Variants in PCDHA4 observed in about 807,000 individuals in gnomAD.
PCDHA4 encodes the protein protocadherin alpha-4.
In PCDHA4, 49 loss-of-function variants were observed where a neutral mutation model predicts 61.4. The ratio of observed to expected loss-of-function variants is 0.80; its 90% CI spans 0.63 to 1.01. The LOEUF is 1.01. Among genes scored for constraint, PCDHA4 ranks in the 50% least tolerant of loss-of-function variants. The probability of loss-of-function intolerance (pLI) is 0.00; values close to 1 mark genes in which losing one functional copy is unlikely to be tolerated. For synonymous variants in PCDHA4, 590 were observed against 550.3 expected (o/e 1.07, Z -1.01); for missense variants, 1,254 against 1,235.8 (o/e 1.01, Z -0.22).
intron 1 of PCDHA4, chr5:140,864,163 C>T (rs2048345363): frequency 6.6e-6 from 1 of 152,054 alleles, no homozygotes; most frequent in South Asian, 2.1e-4. Context: ...TTAAATCTTA[C>T]CGGAAGGATC....
intron 1 of PCDHA4, among the ~76,000 whole-genome samples, chr5:140,892,256 A>AT (rs1283359328): frequency 6.6e-6 from 1 of 151,996 alleles, no homozygotes; most frequent in Non-Finnish European, 1.5e-5. Context: ...GTTATCTTTG[A>AT]TTTTGTGCTG....
intron 1 of PCDHA4, chr5:140,869,751 C>T (rs1562632987): frequency 1.2e-6 from 2 of 1,613,134 alleles, no homozygotes; most frequent in Non-Finnish European, 1.7e-6. Context: ...CAGCTACAGA[C>T]GGGGGAAAAC....
At chr5:140,909,065 A>G (rs1402526950) in intron 1 of PCDHA4, among the ~76,000 whole-genome samples, 3 of 152,218 alleles carry the variant, frequency 2.0e-5, no homozygotes, top group Admixed American at 6.5e-5. Flanking sequence ...TGTCTCACCA[A>G]TAAGCCCAGT....
chr5:140,884,518 C>G, intron 1 of PCDHA4: 2 of 1,614,054 alleles, frequency 1.2e-6, no homozygotes, highest in Non-Finnish European at 1.7e-6. Context: ...GTTGGTCGTA[C>G]TCGCAGCAGA....
At chr5:140,815,479 C>G (rs1197812042) in intron 1 of PCDHA4, 1 of 152,058 alleles carries the variant, frequency 6.6e-6, no homozygotes, top group Non-Finnish European at 1.5e-5. Context: ...TACTTCTCCC[C>G]TACCCAAATT....
At chr5:140,836,530 T>A (rs2150263016) in intron 1 of PCDHA4, 18 of 1,613,716 alleles carry the variant, frequency 1.1e-5, no homozygotes, top group African/African-American at 4.0e-5. Flanking sequence ...CTTACCCTGC[T>A]GCTGTACACG....
intron 1 of PCDHA4, chr5:140,875,158 AC>A: frequency 3.0e-6 from 1 of 338,826 alleles, no homozygotes; most frequent in East Asian, 5.5e-5. Flanking sequence ...GTGAAAAATA[AC>A]CCAAAGTCGA....
intron 1 of PCDHA4, chr5:140,867,745 A>G (rs1342140044): frequency 6.6e-6 from 1 of 152,108 alleles, no homozygotes. Flanking sequence ...CAAGCAAGTT[A>G]CAACTTCAGG....
intron 1 of PCDHA4, among the ~76,000 whole-genome samples, chr5:140,838,864 G>T (rs1775916115): frequency 6.6e-6 from 1 of 151,900 alleles, no homozygotes; most frequent in African/African-American, 2.4e-5. Flanking sequence ...CCAAGCTGCA[G>T]TTATCATGCC....
Position 140,858,578 on chromosome 5 carries a change from A to T in PCDHA4, c.2385+49006A>T. On this transcript the variant is annotated intron_variant, in intron 1 of 3. Coordinates refer to ENST00000530339, the MANE Select transcript of PCDHA4 (RefSeq NM_018907.4). ...GAATATTTCTAGTGATACCTTTGTA[A>T]TATAATTTATTCCAGGAGTTTTAAA... 3 of 1,350,438 alleles carry T rather than the reference A, an allele frequency of 2.2e-6. No homozygotes were observed. The South Asian group carries it at 4.1e-5, about 18-fold the overall frequency. 83.7% of individuals were successfully genotyped at this position (1,350,438 alleles called of 1,614,324 possible). A position where few individuals can be genotyped will look rare whatever the true frequency, so the allele number is the denominator to read the frequency against.
chr5:140,899,544 T>A (rs925092249), intron 1 of PCDHA4, among the ~76,000 whole-genome samples: 11 of 152,202 alleles, frequency 7.2e-5, no homozygotes, highest in Non-Finnish European at 1.5e-5. Context: ...TTGATCATGG[T>A]GGATAAGCTT....
chr5:140,961,438 A>G (rs888082906), intron 1 of PCDHA4, among the ~76,000 whole-genome samples: 2 of 152,194 alleles, frequency 1.3e-5, no homozygotes, highest in South Asian at 4.1e-4. Context: ...AAAATCACCT[A>G]ACTACACTGT....
intron 3 of PCDHA4, among the ~76,000 whole-genome samples, chr5:141,004,659 G>C (rs1012907350): frequency 1.3e-5 from 2 of 152,182 alleles, no homozygotes; most frequent in Admixed American, 1.3e-4. Context: ...GGCTCTGAGG[G>C]CAACTAAAGG....
At chr5:140,836,159 GA>G in intron 1 of PCDHA4, 1 of 1,613,838 alleles carries the variant, frequency 6.2e-7, no homozygotes, top group Non-Finnish European at 8.5e-7. Context: ...ATGTGGTGGC[GA>G]AGGTACGTGC....
intron 1 of PCDHA4, chr5:140,875,499 G>A (rs782342111): frequency 1.9e-6 from 3 of 1,613,354 alleles, no homozygotes; most frequent in Non-Finnish European, 2.5e-6. Context: ...CAAGAGGCCC[G>A]GGATCCCAGC....
chr5:140,812,171 T>A (rs1765054824), intron 1 of PCDHA4: 1 of 76,674 alleles, frequency 1.3e-5, no homozygotes, highest in South Asian at 3.8e-4. Context: ...TGTTAGGAGG[T>A]TTGGATTACT....
intron 1 of PCDHA4, among the ~76,000 whole-genome samples, chr5:140,952,560 C>T (rs536018099): frequency 5.2e-4 from 79 of 152,304 alleles, no homozygotes; most frequent in Non-Finnish European, 1.0e-3. Context: ...TCACTATCAG[C>T]ACTTCGGTCC....
intron 1 of PCDHA4, chr5:140,928,032 T>C (rs369075554): frequency 6.2e-7 from 1 of 1,614,216 alleles, no homozygotes; most frequent in African/African-American, 1.3e-5. Flanking sequence ...GTGGCATGTC[T>C]AGTGCAGGCC....
rs1554140048 is a variant in PCDHA4, at chr5:140,843,414, T to G, written c.2385+33842T>G. 6 of 1,596,080 alleles carry G rather than the reference T, an allele frequency of 3.8e-6. 1 individual carries two copies. Among genetic ancestry groups the G allele is most frequent in the South Asian group, 1.1e-5 (1 of 90,504 alleles). On this transcript the variant is annotated intron_variant, in intron 1 of 3. Coordinates refer to ENST00000530339, the MANE Select transcript of PCDHA4 (RefSeq NM_018907.4). The stretch of plus-strand genomic sequence containing the variant: ...GAAGCGGCGCTGGTGGATGTCAACG[T>G]GTACCTGATCATCGCCATCTGCGCG...
Sources: gnomAD v4.1 joint callset for allele counts (sites outside exome capture counted in the v4.1 genomes callset) on GRCh38, gnomAD v4.1.1 for gene constraint, MANE v1.5 for transcripts, NCBI Gene and HGNC (gene_info 2026-07-23, HGNC 2026-07-21) for gene names.